Variants in FOXJ3 observed in about 807,000 individuals in gnomAD.
FOXJ3 encodes forkhead box protein J3.
Under a neutral mutation model 76.1 loss-of-function variants are expected in FOXJ3, and 22 were observed. The ratio of observed to expected loss-of-function variants is 0.29; its 90% CI spans 0.21 to 0.41. The LOEUF (loss-of-function observed/expected upper bound fraction) is 0.41, where lower values mean the gene tolerates loss of function less well. FOXJ3 is among the 10% of genes least tolerant of loss of function. The probability of loss-of-function intolerance (pLI) is 1.00; values close to 1 mark genes in which losing one functional copy is unlikely to be tolerated. For missense variants in FOXJ3, 613 were observed against 762.1 expected, an observed-to-expected ratio of 0.80 and a Z score of 2.30; for synonymous variants, 269 against 261.2, an observed-to-expected ratio of 1.03 and a Z score of -0.29.
chr1:42,302,158 T>A (rs1459353826), intron 2 of FOXJ3, among the ~76,000 whole-genome samples: 1 of 152,184 alleles, frequency 6.6e-6, no homozygotes, highest in Admixed American at 6.5e-5. Context: ...GCTTACTGCA[T>A]CTTGTGGGGC....
chr1:42,196,560 G>C (rs1437614217), intron 7 of FOXJ3, among the ~76,000 whole-genome samples: 1 of 152,168 alleles, frequency 6.6e-6, no homozygotes, highest in Non-Finnish European at 1.5e-5. Flanking sequence ...ATGTGTGGTG[G>C]CTCACGCCTG....
chr1:42,297,176 C>T (rs1311083808), intron 2 of FOXJ3, among the ~76,000 whole-genome samples: 4 of 152,102 alleles, frequency 2.6e-5, no homozygotes, highest in Admixed American at 6.5e-5. Context: ...GAAACTTCAA[C>T]GAAGTCTAGG....
chr1:42,271,429 G>C (rs1385020161), intron 3 of FOXJ3, among the ~76,000 whole-genome samples: 1 of 151,656 alleles, frequency 6.6e-6, no homozygotes, highest in African/African-American at 2.4e-5. Flanking sequence ...CTATCCCCTA[G>C]GGGTAGTTAT....
chr1:42,179,087 A>C lies in FOXJ3; in HGVS notation c.*623T>G, dbSNP rs1246464660. Reference sequence around the variant, plus strand: ...TCAGTTCTTCATGCTGCTCAGGAGCAACATGCCCCTTCGGATTGTTGGAGT... The same window carrying C: ...TCAGTTCTTCATGCTGCTCAGGAGCCACATGCCCCTTCGGATTGTTGGAGT... On this transcript the variant is annotated 3_prime_UTR_variant, in exon 13 of 13. Coordinates refer to ENST00000361346, the MANE Select transcript of FOXJ3 (RefSeq NM_014947.5). 6.6e-6 allele frequency: 1 copy of C among 152,594 alleles called. No homozygotes were observed. The highest frequency in any genetic ancestry group is 1.5e-5 in the Non-Finnish European group (1 of 68,056). 9.5% of individuals were successfully genotyped at this position (152,594 alleles called of 1,614,324 possible).
At chr1:42,201,043 T>A (rs1468226337) in intron 6 of FOXJ3, among the ~76,000 whole-genome samples, 3 of 152,158 alleles carry the variant, frequency 2.0e-5, no homozygotes, top group African/African-American at 7.2e-5. Flanking sequence ...AGGTATTTGA[T>A]GTTTCTGAAT....
intron 2 of FOXJ3, among the ~76,000 whole-genome samples, chr1:42,288,664 T>G (rs554038751): frequency 2.8e-4 from 42 of 152,270 alleles, no homozygotes; most frequent in African/African-American, 9.9e-4. Flanking sequence ...GTCTGAAGAG[T>G]CAAAACTATT....
chr1:42,268,763 C>T (rs1651659984), intron 3 of FOXJ3, among the ~76,000 whole-genome samples: 1 of 152,114 alleles, frequency 6.6e-6, no homozygotes, highest in Non-Finnish European at 1.5e-5. Flanking sequence ...ATGTTACAAT[C>T]AACTGAATAT....
intron 4 of FOXJ3, among the ~76,000 whole-genome samples, chr1:42,259,455 A>G (rs1650867829): frequency 6.6e-6 from 1 of 152,196 alleles, no homozygotes; most frequent in Non-Finnish European, 1.5e-5. Context: ...AACAACAACA[A>G]AATGTTCTCT....
chr1:42,331,166 A>C (rs1187185710), intron 1 of FOXJ3, among the ~76,000 whole-genome samples: 1 of 152,104 alleles, frequency 6.6e-6, no homozygotes, highest in Non-Finnish European at 1.5e-5. Flanking sequence ...AGACCACTTG[A>C]GGTCAGGAGT....
At chr1:42,190,886 G>A (rs781702723) in intron 9 of FOXJ3, among the ~76,000 whole-genome samples, 8 of 152,238 alleles carry the variant, frequency 5.3e-5, no homozygotes, top group Middle Eastern at 3.4e-3. Context: ...AGAATAACTG[G>A]TGTTATAAGC....
intron 5 of FOXJ3, among the ~76,000 whole-genome samples, chr1:42,206,814 G>A (rs1024858294): frequency 3.3e-5 from 5 of 151,958 alleles, no homozygotes; most frequent in African/African-American, 1.2e-4. Flanking sequence ...TCAGACATCA[G>A]GTCTTATTTC....
intron 2 of FOXJ3, among the ~76,000 whole-genome samples, chr1:42,304,007 T>A (rs187785046): frequency 6.6e-6 from 1 of 152,094 alleles, no homozygotes; most frequent in African/African-American, 2.4e-5. Context: ...GATGATATGA[T>A]CTTATATTTG....
chr1:42,322,008 C>T (rs1038002694), intron 1 of FOXJ3, among the ~76,000 whole-genome samples: 3 of 151,986 alleles, frequency 2.0e-5, no homozygotes, highest in African/African-American at 7.3e-5. Flanking sequence ...TCCCATAATG[C>T]CTAGCACATG....
chr1:42,294,963 T>C (rs1653688496), intron 2 of FOXJ3, among the ~76,000 whole-genome samples: 1 of 152,220 alleles, frequency 6.6e-6, no homozygotes, highest in South Asian at 2.1e-4. Flanking sequence ...TATCCTTGTA[T>C]TCTGTAAAAT....
intron 4 of FOXJ3, among the ~76,000 whole-genome samples, chr1:42,250,009 T>C (rs1649891569): frequency 6.6e-6 from 1 of 152,158 alleles, no homozygotes; most frequent in South Asian, 2.1e-4. Flanking sequence ...AATAGTACAG[T>C]ATAGCTTGAA....
At chr1:42,277,621 C>T (rs555366241) in intron 3 of FOXJ3, among the ~76,000 whole-genome samples, 1 of 53,130 alleles carries the variant, frequency 1.9e-5, no homozygotes, top group African/African-American at 5.7e-5. Flanking sequence ...AACGGTGAAA[C>T]CCCGTCTCTA....
In FOXJ3 at chr1:42,199,149, C is replaced by G; in HGVS notation, c.712G>C (p.Ala238Pro). Reference protein sequence around the residue: ...LNNSLSDQSLASVNLNSVGSV... With the variant: ...LNNSLSDQSLPSVNLNSVGSV... ...CCAACACTGTTCAAATTAACAGATG[C>G]CAAACTCTGGTCTGAGAGACTGTTG... Residue 238 changes from alanine (A) to proline (P), a missense_variant, in exon 7 of 13, where the codon GCA becomes CCA. Physicochemically the swap from Ala to Pro is conservative, Grantham distance 27. This residue lies in a region of FOXJ3 where 526 missense variants were observed against 601.4 expected (regional missense o/e 0.87). Transcript: ENST00000361346. 6.2e-7 allele frequency: 1 copy of G among 1,613,568 alleles called. No homozygotes were observed. Among genetic ancestry groups the G allele is most frequent in the African/African-American group, 1.3e-5 (1 of 75,018 alleles).
rs1652057538 is a variant in FOXJ3, at chr1:42,273,890, GA to G, written c.369+4457del. On this transcript the variant is annotated intron_variant, in intron 3 of 12. Coordinates refer to ENST00000361346, the MANE Select transcript of FOXJ3 (RefSeq NM_014947.5). ...TCTTGGGGAGCGGGGTAGACTGGAA[GA>G]TCTGCCATGTGCCCTAAAAAGCAGT... Among the ~76,000 whole-genome samples, 3 of 152,124 alleles carry G rather than the reference GA, an allele frequency of 2.0e-5. No individual in the cohort carries two copies. The South Asian group carries it at 6.2e-4, about 32-fold the overall frequency.
At chr1:42,200,276 T>C (rs1215432976) in intron 6 of FOXJ3, among the ~76,000 whole-genome samples, 4 of 152,194 alleles carry the variant, frequency 2.6e-5, no homozygotes, top group Non-Finnish European at 4.4e-5. Flanking sequence ...GGTTTTCCTA[T>C]TTTTGAACTA....
Sources: allele counts gnomAD v4.1 joint callset (sites outside exome capture counted in the v4.1 genomes callset), GRCh38; gene constraint gnomAD v4.1.1; regional missense constraint gnomAD v4.1.1; transcripts MANE v1.5; gene names NCBI Gene and HGNC (gene_info 2026-07-23, HGNC 2026-07-21).